Variants in MYRFL observed in about 807,000 individuals in gnomAD.
The protein encoded by MYRFL is myelin regulatory factor like.
A neutral mutation model predicts 109.4 loss-of-function variants in MYRFL; 88 were observed. The ratio of observed to expected loss-of-function variants is 0.80; its 90% confidence interval spans 0.68 to 0.96. MYRFL has a LOEUF of 0.96. Ranked by LOEUF, MYRFL falls within the 40% of genes least tolerant of loss-of-function variation. MYRFL has a pLI of 0.00. For missense variants in MYRFL, 957 were observed against 954.9 expected (o/e 1.00, Z -0.03); for synonymous variants, 324 against 320.9 (o/e 1.01, Z -0.10).
chr12:69,833,200 G>A (rs965892990), intron 1 of MYRFL, among the ~76,000 whole-genome samples: 1 of 152,084 alleles, frequency 6.6e-6, no homozygotes, highest in Non-Finnish European at 1.5e-5. Flanking sequence ...TAGAGAAAAG[G>A]GTCCCAGATC....
Position 69,926,710 on chromosome 12 carries a change from C to T in MYRFL, c.1742C>T (p.Ser581Leu). Residue 581 changes from serine to leucine, a missense_variant, in exon 14 of 25, where the codon TCA (serine) becomes TTA (leucine). Physicochemically the swap from Ser to Leu is moderately radical, Grantham distance 145. Coordinates refer to ENST00000552032, the MANE Select transcript of MYRFL (RefSeq NM_182530.3). ...RLKRLSSWKSSASEASTISKS... is the reference protein window; with the variant it reads ...RLKRLSSWKSLASEASTISKS... ...AAGCGGCTCAGTAGTTGGAAGTCAT[C>T]AGCCAGTGAAGCAAGCACAATCAGG... The T allele has an allele frequency of 1.3e-6, 2 of 1,504,902 alleles. No individual in the cohort carries two copies. Among genetic ancestry groups the T allele is most frequent in the Non-Finnish European group, 8.8e-7 (1 of 1,129,964 alleles). 93.2% of individuals were successfully genotyped at this position (1,504,902 alleles called of 1,614,324 possible).
chr12:69,958,543 T>C lies in MYRFL; in HGVS notation c.*12T>C, dbSNP rs1215588816. ...GACGCTGTGCCTAATTTGTTCAAGT[T>C]TGGGGACTTTACCAAAGAAAAATAC... On this transcript the variant is annotated 3_prime_UTR_variant, in exon 25 of 25. Transcript: ENST00000552032. 7 of 1,518,058 alleles carry C rather than the reference T, an allele frequency of 4.6e-6. No homozygotes were observed. The highest frequency in any genetic ancestry group is 3.7e-5 in the South Asian group (3 of 80,242). The allele number at this position is 1,518,058 out of a possible 1,614,324, so 94.0% of individuals were successfully genotyped here. A position where few individuals can be genotyped will look rare whatever the true frequency, so the allele number is the denominator to read the frequency against.
intron 11 of MYRFL, among the ~76,000 whole-genome samples, chr12:69,909,214 C>T (rs754715286): frequency 1.3e-5 from 2 of 152,132 alleles, no homozygotes; most frequent in South Asian, 2.1e-4. Flanking sequence ...AAAGCTAATC[C>T]GTTTAGCCAA....
At chr12:69,903,505 T>G in intron 10 of MYRFL, 139 bp from the exon 11 acceptor site, 1 of 976,414 alleles carries the variant, frequency 1.0e-6, no homozygotes, top group East Asian at 2.7e-5. Flanking sequence ...CTTGGATATG[T>G]CAGAATGTCC....
chr12:69,826,260 AGAGAAT>A (rs1384526540), intron 1 of MYRFL, among the ~76,000 whole-genome samples: 1 of 152,072 alleles, frequency 6.6e-6, no homozygotes, highest in African/African-American at 2.4e-5. Flanking sequence ...CATAAGACCA[AGAGAAT>A]TATCACATTA....
intron 1 of MYRFL, among the ~76,000 whole-genome samples, chr12:69,826,168 G>A (rs532820827): frequency 1.2e-4 from 18 of 152,220 alleles, no homozygotes; most frequent in African/African-American, 4.3e-4. Context: ...GAAATAGTGA[G>A]ATTCTATGTC....
At chr12:69,867,633 G>C (rs1473733908) in intron 2 of MYRFL, among the ~76,000 whole-genome samples, 1 of 152,156 alleles carries the variant, frequency 6.6e-6, no homozygotes, top group African/African-American at 2.4e-5. Flanking sequence ...CTAATATTAT[G>C]GGTTTAACTT....
intron 2 of MYRFL, among the ~76,000 whole-genome samples, chr12:69,857,499 A>C (rs1047118799): frequency 6.6e-6 from 1 of 151,856 alleles, no homozygotes; most frequent in East Asian, 1.9e-4. Context: ...CATTCTAACA[A>C]AATTGAGCCT....
intron 5 of MYRFL, among the ~76,000 whole-genome samples, chr12:69,885,996 T>A (rs1002972984): frequency 6.6e-6 from 1 of 152,082 alleles, no homozygotes; most frequent in East Asian, 1.9e-4. Context: ...TTCAAAAAGC[T>A]AATTAGACCA....
intron 22 of MYRFL, among the ~76,000 whole-genome samples, chr12:69,956,677 C>T (rs1243067696): frequency 2.6e-5 from 4 of 152,062 alleles, no homozygotes; most frequent in South Asian, 2.1e-4. Context: ...CCTCTTCCTC[C>T]GTCTTATTCA....
In MYRFL at chr12:69,866,758, C is replaced by T. The variant is rs570453683; in HGVS notation, c.137+11388C>T. 3.3e-5 allele frequency among the ~76,000 whole-genome samples: 5 copies of T among 152,290 alleles called. No individual in the cohort carries two copies. The South Asian group carries it at 8.3e-4, about 25-fold the overall frequency. ...TTTTCAGATCTTAAATATATTAAAA[C>T]ATTGCATTATTGGCCTTATGAAAAA... On this transcript the variant is annotated intron_variant, in intron 2 of 24. Transcript: ENST00000552032.
chr12:69,939,012 T>C (rs1955555191), intron 19 of MYRFL, among the ~76,000 whole-genome samples: 1 of 152,092 alleles, frequency 6.6e-6, no homozygotes, highest in Non-Finnish European at 1.5e-5. Context: ...CACCACGAGA[T>C]TATATCCCGC....
Position 69,891,678 on chromosome 12 carries a change from T to TTTCG in MYRFL, c.903+515_903+516insGTTC, listed in dbSNP as rs1296400766. 2.7e-3 allele frequency among the ~76,000 whole-genome samples: 299 copies of TTTCG among 112,540 alleles called. 19 individuals carry two copies. The highest frequency in any genetic ancestry group is 0.016 in the Middle Eastern group (4 of 246). The allele number at this position is 112,540 out of a possible 152,430, so 73.8% of individuals were successfully genotyped here. A position where few individuals can be genotyped will look rare whatever the true frequency, so the allele number is the denominator to read the frequency against. On this transcript the variant is annotated intron_variant, in intron 7 of 24. Transcript: ENST00000552032. Reference sequence around the variant, plus strand: ...CTTTCTTTCTTTCTTTCTTTCTTTCTTTCTTTCGTTCGTTCGTTCTTTCTT... The same window carrying TTTCG: ...CTTTCTTTCTTTCTTTCTTTCTTTCTTTCGTTCTTTCGTTCGTTCGTTCTTTCTT...
chr12:69,932,444 T>G lies in MYRFL; in HGVS notation c.1831-69T>G, dbSNP rs1003304174. The G allele has an allele frequency of 5.7e-6, 6 of 1,055,278 alleles. No individual in the cohort carries two copies. The Admixed American group carries it at 1.2e-4, about 21-fold the overall frequency. 65.4% of individuals were successfully genotyped at this position (1,055,278 alleles called of 1,614,324 possible). The stretch of plus-strand genomic sequence containing the variant: ...CAGCAAATACCCCTGCTGGGAGCAG[T>G]TCTCCAGGCTCCCTTCTCACAGTTA... On this transcript the variant is annotated intron_variant, in intron 15 of 24. Coordinates refer to ENST00000552032, the MANE Select transcript of MYRFL (RefSeq NM_182530.3).
chr12:69,947,384 A>T (rs919842976), intron 19 of MYRFL, among the ~76,000 whole-genome samples: 5 of 152,170 alleles, frequency 3.3e-5, no homozygotes, highest in African/African-American at 1.2e-4. Flanking sequence ...TTTGGGCCAA[A>T]GTTGATCATA....
chr12:69,936,751 G>C, intron 19 of MYRFL, 119 bp downstream of exon 19: 1 of 927,434 alleles, frequency 1.1e-6, no homozygotes. Flanking sequence ...TCTATTTGGG[G>C]TGGCAAAATC....
chr12:69,938,265 T>G (rs1955530657), intron 19 of MYRFL, among the ~76,000 whole-genome samples: 1 of 152,230 alleles, frequency 6.6e-6, no homozygotes, highest in African/African-American at 2.4e-5. Context: ...ACACTTTTCT[T>G]ACTTTGGGAG....
At position 69,854,453 on chromosome 12, in the gene MYRFL, G is replaced by A. The variant is rs551900436; in HGVS notation, c.47-827G>A. Among the ~76,000 whole-genome samples, 106 of 151,658 alleles carry A rather than the reference G, an allele frequency of 7.0e-4. 1 individual carries two copies. Among genetic ancestry groups the A allele is most frequent in the Middle Eastern group, 3.4e-3 (1 of 294 alleles). On this transcript the variant is annotated intron_variant, in intron 1 of 24. Transcript: ENST00000552032. The stretch of plus-strand genomic sequence containing the variant: ...GGCTGGAGTGCAGTGGTGTGATCTC[G>A]GCTCACTGCAACCTTTGCCTCCTGG...
chr12:69,851,090 G>A (rs903132300), intron 1 of MYRFL, among the ~76,000 whole-genome samples: 1 of 152,060 alleles, frequency 6.6e-6, no homozygotes, highest in African/African-American at 2.4e-5. Flanking sequence ...TATACAATTT[G>A]AATTTAACCA....
Sources: gnomAD v4.1 joint callset for allele counts (sites outside exome capture counted in the v4.1 genomes callset) on GRCh38, gnomAD v4.1.1 for gene constraint, MANE v1.5 for transcripts, NCBI Gene and HGNC (gene_info 2026-07-23, HGNC 2026-07-21) for gene names.